Variants in VPS37A observed in about 807,000 individuals in gnomAD.
VPS37A encodes the protein vacuolar protein sorting-associated protein 37A.
A neutral mutation model predicts 49.8 loss-of-function variants in VPS37A; 30 were observed. The ratio of observed to expected loss-of-function variants is 0.60; its 90% CI spans 0.45 to 0.82. The LOEUF (loss-of-function observed/expected upper bound fraction) is 0.82. VPS37A is among the 40% of genes least tolerant of loss of function. The pLI is 0.00. For missense variants in VPS37A, 593 were observed against 464.4 expected (o/e 1.28, Z -2.55); for synonymous variants, 195 against 160.6 (o/e 1.21, Z -1.62).
chr8:17,266,110 C>G, intron 2 of VPS37A, 129 bp downstream of exon 2: 5 of 774,520 alleles, frequency 6.5e-6, no homozygotes, highest in Non-Finnish European at 1.0e-5. Flanking sequence ...AAATAGTGCA[C>G]AATTCAGTGA....
chr8:17,329,556 G>A, the VPS37A span, among the ~76,000 whole-genome samples: 2 of 152,302 alleles, frequency 1.3e-5, no homozygotes, highest in East Asian at 1.9e-4. Flanking sequence ...AGCCAAATGT[G>A]TATGCTATCA....
At chr8:17,266,031 T>C in intron 2 of VPS37A, 50 bp downstream of exon 2, 1 of 1,504,126 alleles carries the variant, frequency 6.6e-7, no homozygotes, top group Non-Finnish European at 9.1e-7. Context: ...TTAACAGTTT[T>C]TTTATTGTTT....
At position 17,247,740 on chromosome 8, in the gene VPS37A, A is replaced by G. The variant is rs1044708293; in HGVS notation, c.125+371A>G. 5.6e-5 allele frequency: 39 copies of G among 702,536 alleles called. No individual in the cohort carries two copies. In the African/African-American group the frequency reaches 6.1e-4, roughly 11 times the overall value. 43.5% of individuals were successfully genotyped at this position (702,536 alleles called of 1,614,324 possible). On this transcript the variant is annotated intron_variant, in intron 1 of 11. Coordinates refer to ENST00000324849, the MANE Select transcript of VPS37A (RefSeq NM_152415.3). ...GATTGCCGCGTCAGCAGAATTGTTA[A>G]AATACAATTGTGAAGAGTAATCTCC...
At chr8:17,307,009 C>T (rs1817497110), downstream of VPS37A, among the ~76,000 whole-genome samples, 1 of 152,174 alleles carries the variant, frequency 6.6e-6, no homozygotes, top group Admixed American at 6.5e-5. Flanking sequence ...ACACCAAAAG[C>T]AATGGCAGCA....
chr8:17,270,577 T>A (rs1055009529), intron 4 of VPS37A, among the ~76,000 whole-genome samples: 2 of 152,126 alleles, frequency 1.3e-5, no homozygotes, highest in African/African-American at 4.8e-5. Flanking sequence ...TCAGCATCAT[T>A]TCTGCTGCAT....
At chr8:17,307,518 C>G in the VPS37A span, among the ~76,000 whole-genome samples, 1 of 152,108 alleles carries the variant, frequency 6.6e-6, no homozygotes, top group Non-Finnish European at 1.5e-5. Flanking sequence ...CCATTTGACC[C>G]AGCCATCCCA....
intron 9 of VPS37A, among the ~76,000 whole-genome samples, chr8:17,280,956 A>G (rs1028206353): frequency 5.9e-5 from 9 of 152,004 alleles, no homozygotes; most frequent in African/African-American, 2.2e-4. Flanking sequence ...ACCAGAGGAC[A>G]TAATCTTTGT....
intron 3 of VPS37A, 135 bp from the exon 4 acceptor site, chr8:17,268,721 T>C: frequency 1.5e-6 from 1 of 659,204 alleles, no homozygotes. Context: ...CTATAACTTG[T>C]TAATTGCTAA....
At position 17,296,595 on chromosome 8, in the gene VPS37A, G is replaced by A. The variant is rs1254976867; in HGVS notation, c.*1609G>A. ...AGGTGTATCCCATAACAAGGGAGGA[G>A]CATACCACAGCCCCTCATTTGATTA... On this transcript the variant is annotated 3_prime_UTR_variant, in exon 12 of 12. Coordinates refer to ENST00000324849, the MANE Select transcript of VPS37A (RefSeq NM_152415.3). 1 of 152,078 alleles carries A rather than the reference G, an allele frequency of 6.6e-6. No individual in the cohort carries two copies. The highest frequency in any genetic ancestry group is 1.5e-5 in the Non-Finnish European group (1 of 68,016). 9.4% of individuals were successfully genotyped at this position (152,078 alleles called of 1,614,324 possible).
chr8:17,253,950 T>C (rs987132110), intron 1 of VPS37A, among the ~76,000 whole-genome samples: 1 of 152,352 alleles, frequency 6.6e-6, no homozygotes, highest in East Asian at 1.9e-4. Context: ...ATTTCCAGTT[T>C]CTTGCTTTTT....
At chr8:17,283,972 C>CCAGTAATTTATGTCTTCAATTTCTTATAG (rs1164310537) in intron 9 of VPS37A, among the ~76,000 whole-genome samples, 8 of 152,240 alleles carry the variant, frequency 5.3e-5, no homozygotes, top group African/African-American at 1.9e-4. Context: ...GGGATGTCTT[C>CCAGTAATTTATGTCTTCAATTTCTTATAG]CAGTAATTTA....
rs1816839078 is a variant in VPS37A at position 17,298,013 on chromosome 8, C to CTGTT, written c.*3030_*3033dup. The CTGTT allele has an allele frequency of 6.6e-6, 1 of 152,118 alleles. No individual in the cohort carries two copies. Among genetic ancestry groups the CTGTT allele is most frequent in the South Asian group, 2.1e-4 (1 of 4,828 alleles). The allele number at this position is 152,118 out of a possible 1,614,324, so 9.4% of individuals were successfully genotyped here. On this transcript the variant is annotated 3_prime_UTR_variant, in exon 12 of 12. Transcript: ENST00000324849. ...TTGCTTTTCAAATAAAAGCATAGTG[C>CTGTT]TGTTTGGCATAGATACTTTGTCATT...
At chr8:17,299,172 A>AAATC (rs1284254945), downstream of VPS37A, 2 of 152,220 alleles carry the variant, frequency 1.3e-5, no homozygotes, top group Non-Finnish European at 2.9e-5. Context: ...GTTAGCTATT[A>AAATC]AATCAGTGTT....
At chr8:17,288,733 C>T (rs915619927) in intron 11 of VPS37A, among the ~76,000 whole-genome samples, 1 of 152,116 alleles carries the variant, frequency 6.6e-6, no homozygotes, top group Non-Finnish European at 1.5e-5. Flanking sequence ...TGGGTATATA[C>T]CCAGTAGTGG....
Position 17,284,656 on chromosome 8 carries a change from A to T in VPS37A, c.1113+40A>T, listed in dbSNP as rs771813485. On this transcript the variant is annotated intron_variant, in intron 10 of 11. Coordinates refer to ENST00000324849, the MANE Select transcript of VPS37A (RefSeq NM_152415.3). ...TCAGTTGAGGACAAGTATTGGATAA[A>T]GTTTGGTATTTTTATAGAGGAGGAG... is the stretch of plus-strand genomic sequence containing the variant. 8.4e-6 allele frequency: 13 copies of T among 1,545,812 alleles called. No homozygotes were observed. In the East Asian group the frequency reaches 3.3e-4, roughly 39 times the overall value.
At chr8:17,318,205 C>T in the VPS37A span, among the ~76,000 whole-genome samples, 21 of 152,250 alleles carry the variant, frequency 1.4e-4, no homozygotes, top group African/African-American at 4.8e-4. Flanking sequence ...TCCGAACACA[C>T]CTTCCTTATG....
At chr8:17,292,838 G>T (rs1055486013) in intron 11 of VPS37A, among the ~76,000 whole-genome samples, 3 of 152,184 alleles carry the variant, frequency 2.0e-5, no homozygotes, top group Admixed American at 2.0e-4. Context: ...TTAGTCTGAT[G>T]GGCTTCCCTT....
At chr8:17,275,980 A>T (rs918628783) in intron 5 of VPS37A, among the ~76,000 whole-genome samples, 2 of 152,170 alleles carry the variant, frequency 1.3e-5, no homozygotes, top group African/African-American at 4.8e-5. Context: ...AACAGTGGCT[A>T]CTCGGTTGCT....
intron 4 of VPS37A, among the ~76,000 whole-genome samples, chr8:17,273,203 C>A (rs1420683214): frequency 1.3e-5 from 2 of 151,818 alleles, no homozygotes; most frequent in African/African-American, 4.8e-5. Flanking sequence ...TGTTTTCTAA[C>A]CCTCCCTCAA....
Sources: gnomAD v4.1 joint callset for allele counts (sites outside exome capture counted in the v4.1 genomes callset) on GRCh38, gnomAD v4.1.1 for gene constraint, MANE v1.5 for transcripts, NCBI Gene and HGNC (gene_info 2026-07-23, HGNC 2026-07-21) for gene names.